SYN2: variants seen among roughly 807,000 people sequenced by gnomAD.
The protein encoded by SYN2 is synapsin II.
In SYN2, 19 loss-of-function variants were observed where a neutral mutation model predicts 50.9. That is an observed-to-expected ratio of 0.37 (90% CI 0.26 to 0.55). The LOEUF (loss-of-function observed/expected upper bound fraction) is 0.55, where lower values mean the gene tolerates loss of function less well. Ranked by LOEUF, SYN2 falls within the 20% of genes least tolerant of loss-of-function variation. The pLI, the probability that SYN2 is intolerant of heterozygous loss-of-function variation, is 0.81. For missense variants in SYN2, 587 were observed against 576.4 expected (o/e 1.02, Z -0.19); for synonymous variants, 255 against 224.9 (o/e 1.13, Z -1.20).
At position 12,073,092 on chromosome 3, in the gene SYN2, A is replaced by G. The variant is rs924823558; in HGVS notation, c.378-67559A>G. Among the ~76,000 whole-genome samples the G allele has an allele frequency of 2.0e-5, 3 of 152,212 alleles. No individual in the cohort carries two copies. In the East Asian group the frequency reaches 5.8e-4, roughly 29 times the overall value. On this transcript the variant is annotated intron_variant, in intron 1 of 12. Transcript: ENST00000621198. ...TGGAAGGGTATAATCATGGCTCCCA[A>G]CATTCTACAGTTTCAATGTGGAGTG...
chr3:12,136,109 A>G (rs1023078105), intron 1 of SYN2, among the ~76,000 whole-genome samples: 5 of 152,224 alleles, frequency 3.3e-5, no homozygotes, highest in African/African-American at 1.2e-4. Context: ...CTGTGAGCCA[A>G]ATATCATGAG....
At chr3:12,181,284 G>C (rs1698213873) in intron 10 of SYN2, among the ~76,000 whole-genome samples, 1 of 152,252 alleles carries the variant, frequency 6.6e-6, no homozygotes, top group Non-Finnish European at 1.5e-5. Context: ...ACCCTTCAGT[G>C]GTACTGGGCA....
At chr3:12,020,798 C>T (rs141193709) in intron 1 of SYN2, among the ~76,000 whole-genome samples, 2 of 152,202 alleles carry the variant, frequency 1.3e-5, no homozygotes, top group Non-Finnish European at 2.9e-5. Flanking sequence ...TGCTGTAACG[C>T]GAGCACAAGA....
intron 1 of SYN2, among the ~76,000 whole-genome samples, chr3:12,042,280 C>T (rs923748297): frequency 6.6e-6 from 1 of 152,142 alleles, no homozygotes; most frequent in Non-Finnish European, 1.5e-5. Flanking sequence ...AATTCTCCCC[C>T]AAATTTTGTG....
At chr3:12,044,444 T>C (rs1482514063) in intron 1 of SYN2, among the ~76,000 whole-genome samples, 2 of 152,176 alleles carry the variant, frequency 1.3e-5, no homozygotes, top group Admixed American at 6.5e-5. Flanking sequence ...GAAAACTTAG[T>C]AACTGTCTAA....
Position 12,004,531 on chromosome 3 carries a change from GC to G in SYN2, c.-16del, listed in dbSNP as rs774548538. The G allele has an allele frequency of 1.0e-5, 6 of 591,936 alleles. No individual in the cohort carries two copies. The highest frequency in any genetic ancestry group is 5.7e-5 in the South Asian group (3 of 52,954). 36.7% of individuals were successfully genotyped at this position (591,936 alleles called of 1,614,324 possible). On this transcript the variant is annotated 5_prime_UTR_variant, in exon 1 of 13. Coordinates refer to ENST00000621198, the MANE Select transcript of SYN2 (RefSeq NM_133625.6). ...GCCACCAGACCCCGTAGCCCCGCGCGCCCCCAGCCCTTTAAGCCAGATGATG... is the reference window on the plus strand; with the variant it reads ...GCCACCAGACCCCGTAGCCCCGCGCGCCCCAGCCCTTTAAGCCAGATGATG...
Position 12,175,518 on chromosome 3 carries a change from C to T in SYN2, c.1308+5612C>T, listed in dbSNP as rs138643779. ...GTGGAAGCTCAGGCTGAAAGAGCTT[C>T]TGGTCTGAGTCATAAGCCCTAGGAG... On this transcript the variant is annotated intron_variant, in intron 10 of 12. Transcript: ENST00000621198. Among the ~76,000 whole-genome samples the T allele has an allele frequency of 4.9e-3, 750 of 152,318 alleles. 5 individuals carry two copies. The highest frequency in any genetic ancestry group is 0.017 in the African/African-American group (697 of 41,560).
intron 10 of SYN2, among the ~76,000 whole-genome samples, chr3:12,180,836 G>A (rs1275210666): frequency 6.6e-6 from 1 of 152,164 alleles, no homozygotes; most frequent in African/African-American, 2.4e-5. Context: ...TATGGCTGAG[G>A]AAAGACAAGG....
At chr3:12,158,876 G>A (rs1697550230) in intron 5 of SYN2, 3 of 1,516,026 alleles carry the variant, frequency 2.0e-6, no homozygotes, top group African/African-American at 1.4e-5. Flanking sequence ...TGTGAGGTCT[G>A]GGGGACTGGA....
intron 1 of SYN2, among the ~76,000 whole-genome samples, chr3:12,036,867 T>A (rs987473504): frequency 6.6e-6 from 1 of 152,198 alleles, no homozygotes; most frequent in African/African-American, 2.4e-5. Context: ...TATGTCTAAG[T>A]CATTTCTCTT....
At chr3:12,110,991 T>C (rs1574946387) in intron 1 of SYN2, among the ~76,000 whole-genome samples, 1 of 152,182 alleles carries the variant, frequency 6.6e-6, no homozygotes, top group East Asian at 1.9e-4. Flanking sequence ...CAGGGGACTG[T>C]TGGGAAGGCA....
At chr3:12,147,188 GGT>G (rs149944209) in intron 4 of SYN2, among the ~76,000 whole-genome samples, 194 of 151,264 alleles carry the variant, frequency 1.3e-3, no homozygotes, top group Middle Eastern at 3.4e-3. Flanking sequence ...GCTGAAGAGG[GGT>G]GTGTGTGTGT....
At chr3:12,034,551 A>G (rs149602479) in intron 1 of SYN2, among the ~76,000 whole-genome samples, 6 of 152,340 alleles carry the variant, frequency 3.9e-5, no homozygotes, top group African/African-American at 7.2e-5. Context: ...AGGAAGTCTA[A>G]GATCAAGGGA....
intron 1 of SYN2, among the ~76,000 whole-genome samples, chr3:12,118,171 A>G (rs1446603374): frequency 6.6e-6 from 1 of 152,248 alleles, no homozygotes. Context: ...TTACTCACCT[A>G]TAAAATGGGG....
intron 3 of SYN2, among the ~76,000 whole-genome samples, chr3:12,145,219 TAGTG>T (rs1697120059): frequency 6.6e-6 from 1 of 152,098 alleles, no homozygotes; most frequent in South Asian, 2.1e-4. Context: ...CTGAGCAACA[TAGTG>T]AGACCTCATC....
At chr3:12,184,789 T>A (rs540180858) in intron 11 of SYN2, 1,083 of 985,948 alleles carry the variant, frequency 1.1e-3, no homozygotes, top group Non-Finnish European at 1.2e-3. Flanking sequence ...GTGCCTCATC[T>A]TGCCATCTCC....
At chr3:12,018,362 AG>A (rs1694064497) in intron 1 of SYN2, among the ~76,000 whole-genome samples, 1 of 152,220 alleles carries the variant, frequency 6.6e-6, no homozygotes, top group South Asian at 2.1e-4. Flanking sequence ...GGGCAGGGAA[AG>A]GAAGAAGTTT....
At chr3:12,151,207 T>C in intron 4 of SYN2, 30 bp from the exon 5 acceptor site, 1 of 1,500,300 alleles carries the variant, frequency 6.7e-7, no homozygotes, top group East Asian at 2.3e-5. Context: ...TTATCTAAGA[T>C]AAGCTGTAAC....
In SYN2 at chr3:12,168,336, G is replaced by A. The variant is rs375001137; in HGVS notation, c.1056-40G>A. On this transcript the variant is annotated intron_variant, in intron 8 of 12. Coordinates refer to ENST00000621198, the MANE Select transcript of SYN2 (RefSeq NM_133625.6). ...CTGGCAAGCAAGCTTTGTGGTGAGCGAATTGCCCCAGCTTCAGGACACCTT... is the reference window on the plus strand; with the variant it reads ...CTGGCAAGCAAGCTTTGTGGTGAGCAAATTGCCCCAGCTTCAGGACACCTT... 6.4e-6 allele frequency: 10 copies of A among 1,564,900 alleles called. No individual in the cohort carries two copies. In the African/African-American group the frequency reaches 8.1e-5, roughly 13 times the overall value.
Sources: gnomAD v4.1 joint callset for allele counts (sites outside exome capture counted in the v4.1 genomes callset) on GRCh38, gnomAD v4.1.1 for gene constraint, MANE v1.5 for transcripts, NCBI Gene and HGNC (gene_info 2026-07-23, HGNC 2026-07-21) for gene names.